The following AP1G1 variants were observed in gnomAD, a reference collection of about 807,000 sequenced individuals.
The protein encoded by AP1G1 is AP-1 complex subunit gamma-1.
Under a neutral mutation model 108.3 loss-of-function variants are expected in AP1G1, and 7 were observed. The observed-to-expected ratio is 0.06, with a 90% CI of 0.04 to 0.12. AP1G1 has a LOEUF of 0.12. Among genes scored for constraint, AP1G1 ranks in the 10% least tolerant of loss-of-function variants. The pLI is 1.00. For synonymous variants in AP1G1, 379 were observed against 353.5 expected (o/e 1.07, Z -0.81); for missense variants, 756 against 1,010.7 (o/e 0.75, Z 3.42).
chr16:71,761,444 A>G (rs760050549), intron 10 of AP1G1, 68 bp downstream of exon 10: 7 of 1,112,496 alleles, frequency 6.3e-6, no homozygotes, highest in African/African-American at 1.5e-5. Context: ...TATGATCTTG[A>G]GCAGAATCGC....
intron 10 of AP1G1, among the ~76,000 whole-genome samples, chr16:71,760,808 A>G (rs1179653025): frequency 6.6e-6 from 1 of 152,082 alleles, no homozygotes; most frequent in Non-Finnish European, 1.5e-5. Flanking sequence ...CTGCCTCCCA[A>G]AGTGTTGGCA....
chr16:71,806,769 ACAGAACTCAC>A (rs2033011434), intron 1 of AP1G1: 1 of 1,217,028 alleles, frequency 8.2e-7, no homozygotes, highest in African/African-American at 1.6e-5. Flanking sequence ...TCAGGGTAAT[ACAGAACTCAC>A]GTATCTAATA....
chr16:71,801,437 TAAC>T (rs1255999680), intron 1 of AP1G1, among the ~76,000 whole-genome samples: 1 of 152,100 alleles, frequency 6.6e-6, no homozygotes, highest in Non-Finnish European at 1.5e-5. Flanking sequence ...GTACAGTACT[TAAC>T]TAAGCATTGA....
chr16:71,789,254 T>C, intron 2 of AP1G1, 25 bp downstream of exon 2: 1 of 1,596,284 alleles, frequency 6.3e-7, no homozygotes, highest in Non-Finnish European at 8.6e-7. Context: ...ATACCCTTGC[T>C]ACATGTAGTC....
intron 1 of AP1G1, among the ~76,000 whole-genome samples, chr16:71,790,210 G>C (rs545374748): frequency 7.9e-5 from 12 of 152,148 alleles, no homozygotes; most frequent in African/African-American, 2.4e-4. Context: ...CAAAGCTATA[G>C]TAATCAGGGA....
chr16:71,762,849 C>T (rs1238773430), intron 9 of AP1G1, among the ~76,000 whole-genome samples: 1 of 152,022 alleles, frequency 6.6e-6, no homozygotes, highest in African/African-American at 2.4e-5. Flanking sequence ...CCCTGACTTA[C>T]AACTGGTTAG....
rs143460618 is a variant in AP1G1 at position 71,800,319 on chromosome 16, C to T, written c.-4+8444G>A. ...CCAGGAGGTGGAGCTTGCAGTGAGC[C>T]GAGATCGCACCACTGCACTCTAGCC... On this transcript the variant is annotated intron_variant, in intron 1 of 22. Transcript: ENST00000299980. Among the ~76,000 whole-genome samples, 1,101 of 137,672 alleles carry T rather than the reference C, an allele frequency of 8.0e-3. 44 individuals are homozygous for T. The highest frequency in any genetic ancestry group is 0.03 in the African/African-American group (1,051 of 35,240). 90.3% of individuals were successfully genotyped at this position (137,672 alleles called of 152,430 possible). A position where few individuals can be genotyped will look rare whatever the true frequency, so the allele number is the denominator to read the frequency against.
At chr16:71,738,049 CTTTG>C (rs895385492) in intron 21 of AP1G1, among the ~76,000 whole-genome samples, 9 of 152,190 alleles carry the variant, frequency 5.9e-5, no homozygotes, top group African/African-American at 9.6e-5. Context: ...ATTTAGAACT[CTTTG>C]TTTGTTTGTT....
intron 2 of AP1G1, among the ~76,000 whole-genome samples, chr16:71,780,001 T>A (rs1008120438): frequency 6.6e-6 from 1 of 150,430 alleles, no homozygotes; most frequent in Non-Finnish European, 1.5e-5. Flanking sequence ...TTTTGTTTTT[T>A]TTTTTTTTTT....
At chr16:71,792,530 G>A (rs1488484246) in intron 1 of AP1G1, among the ~76,000 whole-genome samples, 1 of 152,156 alleles carries the variant, frequency 6.6e-6, no homozygotes, top group Non-Finnish European at 1.5e-5. Context: ...CAGGAACCAA[G>A]CATTGGAAGT....
At chr16:71,756,393 G>T in intron 11 of AP1G1, 1 of 385,570 alleles carries the variant, frequency 2.6e-6, no homozygotes, top group Non-Finnish European at 4.6e-6. Flanking sequence ...AAGTCCCTAC[G>T]AGATATACCA....
At chr16:71,746,493 A>G (rs1242020865) in intron 17 of AP1G1, 95 bp downstream of exon 17, 3 of 750,370 alleles carry the variant, frequency 4.0e-6, no homozygotes, top group African/African-American at 3.5e-5. Context: ...GGAACAATTA[A>G]TAAAGCACAA....
At chr16:71,771,909 T>G (rs544547398) in intron 4 of AP1G1, among the ~76,000 whole-genome samples, 13 of 152,134 alleles carry the variant, frequency 8.5e-5, no homozygotes, top group African/African-American at 3.1e-4. Context: ...AGAAAATCAT[T>G]TGAAAAATAC....
In AP1G1 at chr16:71,808,800, G is replaced by T. The variant is rs1233983391; in HGVS notation, c.-41C>A. 1 of 1,289,752 alleles carries T rather than the reference G, an allele frequency of 7.8e-7. No homozygotes were observed. Among genetic ancestry groups the T allele is most frequent in the Non-Finnish European group, 1.0e-6 (1 of 988,808 alleles). The allele number at this position is 1,289,752 out of a possible 1,614,324, so 79.9% of individuals were successfully genotyped here. A position where few individuals can be genotyped will look rare whatever the true frequency, so the allele number is the denominator to read the frequency against. ...TCGAATGAAACCAGCAGCTCCGGGG[G>T]CGGCGGCAGCAGTGGCAGCAGGAAC... On this transcript the variant is annotated 5_prime_UTR_variant, in exon 1 of 23. Coordinates refer to ENST00000299980, the MANE Select transcript of AP1G1 (RefSeq NM_001128.6).
In AP1G1 at chr16:71,730,901, T is replaced by C. The variant is rs540028962; in HGVS notation, c.*2157A>G. Reference sequence around the variant, plus strand: ...TTCCCAGCTCCATTAGCTGACAGTGTCTTATAGCATGGTCTTGAACAGATT... The same window carrying C: ...TTCCCAGCTCCATTAGCTGACAGTGCCTTATAGCATGGTCTTGAACAGATT... On this transcript the variant is annotated 3_prime_UTR_variant, in exon 23 of 23. Coordinates refer to ENST00000299980, the MANE Select transcript of AP1G1 (RefSeq NM_001128.6). 20 of 152,526 alleles carry C rather than the reference T, an allele frequency of 1.3e-4. No homozygotes were observed. The highest frequency in any genetic ancestry group is 4.8e-4 in the African/African-American group (20 of 41,568). 9.4% of individuals were successfully genotyped at this position (152,526 alleles called of 1,614,324 possible).
chr16:71,771,328 C>T, intron 4 of AP1G1, 76 bp from the exon 5 acceptor site: 1 of 824,824 alleles, frequency 1.2e-6, no homozygotes, highest in Non-Finnish European at 1.8e-6. Context: ...AAAAAACCAC[C>T]AACACAAAAA....
chr16:71,774,755 T>C (rs768786429), intron 2 of AP1G1, among the ~76,000 whole-genome samples, 163 bp from the exon 3 acceptor site: 24 of 152,222 alleles, frequency 1.6e-4, no homozygotes, highest in South Asian at 1.2e-3. Flanking sequence ...GGTTTCGCTC[T>C]GGTTGGCCAG....
At chr16:71,736,162 T>A (rs1301080842) in intron 21 of AP1G1, among the ~76,000 whole-genome samples, 1 of 139,436 alleles carries the variant, frequency 7.2e-6, no homozygotes, top group Non-Finnish European at 1.5e-5. Context: ...TTATTCATAA[T>A]TCTGCCACAT....
intron 11 of AP1G1, among the ~76,000 whole-genome samples, chr16:71,757,978 C>G (rs1159368622): frequency 6.6e-6 from 1 of 152,142 alleles, no homozygotes; most frequent in Non-Finnish European, 1.5e-5. Context: ...TCTGAGAACC[C>G]ACTGAGAGGG....
Sources: allele counts gnomAD v4.1 joint callset (sites outside exome capture counted in the v4.1 genomes callset), GRCh38; gene constraint gnomAD v4.1.1; transcripts MANE v1.5; gene names NCBI Gene and HGNC (gene_info 2026-07-23, HGNC 2026-07-21).